ARHGEF3: variants seen among roughly 807,000 people sequenced by gnomAD.
ARHGEF3 encodes 59.8 kDA protein.
ARHGEF3 carries 28 observed loss-of-function variants against 63.2 expected under a neutral mutation model. That is an observed-to-expected ratio of 0.44 (90% CI 0.33 to 0.61). The LOEUF (loss-of-function observed/expected upper bound fraction) is 0.61. Among genes scored for constraint, ARHGEF3 ranks in the 20% least tolerant of loss-of-function variants. The pLI, the probability that ARHGEF3 is intolerant of heterozygous loss-of-function variation, is 0.03. For missense variants in ARHGEF3, 533 were observed against 659.3 expected, an observed-to-expected ratio of 0.81 and a Z score of 2.10; for synonymous variants, 266 against 254.2, an observed-to-expected ratio of 1.05 and a Z score of -0.44.
Position 57,063,096 on chromosome 3 carries a change from G to C in ARHGEF3, c.-28+16130C>G, listed in dbSNP as rs142396237. ...ATGACCAGGGAAGGCTGAAGGAAATGAGGGACCAAGCTCTGCAGATATTGG... is the reference window on the plus strand; with the variant it reads ...ATGACCAGGGAAGGCTGAAGGAAATCAGGGACCAAGCTCTGCAGATATTGG... On this transcript the variant is annotated intron_variant, in intron 1 of 12. Transcript: ENST00000338458. 3.3e-5 allele frequency among the ~76,000 whole-genome samples: 5 copies of C among 152,358 alleles called. No homozygotes were observed. The East Asian group carries it at 9.6e-4, about 29-fold the overall frequency.
chr3:56,751,016 T>C lies in ARHGEF3; in HGVS notation c.612+40A>G, dbSNP rs1430694198. 1.5e-5 allele frequency: 22 copies of C among 1,499,492 alleles called. 1 individual carries two copies. The highest frequency in any genetic ancestry group is 7.8e-5 in the South Asian group (6 of 76,806). The allele number at this position is 1,499,492 out of a possible 1,614,324, so 92.9% of individuals were successfully genotyped here. ...TAAAATGAAACTCCCATCTATATTA[T>C]TGAAATTTATCTTCAATAAAGACCA... is the stretch of plus-strand genomic sequence containing the variant. On this transcript the variant is annotated intron_variant, in intron 6 of 9. Transcript: ENST00000296315.
chr3:56,983,558 A>G (rs1021362445), intron 2 of ARHGEF3, among the ~76,000 whole-genome samples: 13 of 152,190 alleles, frequency 8.5e-5, no homozygotes, highest in Admixed American at 2.0e-4. Flanking sequence ...TAACTATGCA[A>G]TTTCTAACAC....
In ARHGEF3 at chr3:57,010,192, C is replaced by T. The variant is rs147309751; in HGVS notation, c.62+24896G>A. Among the ~76,000 whole-genome samples, 37 of 152,072 alleles carry T rather than the reference C, an allele frequency of 2.4e-4. No homozygotes were observed. In the East Asian group the frequency reaches 5.4e-3, roughly 22 times the overall value. Reference sequence around the variant, plus strand: ...ACAGTGGGCCGGGCGTGGTGGCTCACGCCTGTAATCCCAGCACTTTGGGAG... The same window carrying T: ...ACAGTGGGCCGGGCGTGGTGGCTCATGCCTGTAATCCCAGCACTTTGGGAG... On this transcript the variant is annotated intron_variant, in intron 2 of 12. Coordinates refer to the ARHGEF3 transcript ENST00000338458.
At chr3:56,976,785 G>A (rs1051633537) in intron 2 of ARHGEF3, among the ~76,000 whole-genome samples, 2 of 152,156 alleles carry the variant, frequency 1.3e-5, no homozygotes, top group Non-Finnish European at 2.9e-5. Flanking sequence ...AACTGTCAGT[G>A]AAATGTGGGA....
At chr3:57,015,539 T>G (rs944955614) in intron 2 of ARHGEF3, among the ~76,000 whole-genome samples, 8 of 142,022 alleles carry the variant, frequency 5.6e-5, no homozygotes, top group African/African-American at 1.8e-4. Context: ...GCTCAAGCTA[T>G]CCTCCCGCCT....
At chr3:56,943,900 AG>A (rs1299495854) in intron 3 of ARHGEF3, among the ~76,000 whole-genome samples, 1 of 145,576 alleles carries the variant, frequency 6.9e-6, no homozygotes, top group Non-Finnish European at 1.5e-5. Context: ...GGCGACAGAG[AG>A]AGACTCCGAC....
chr3:57,056,842 A>G (rs1704960433), intron 1 of ARHGEF3, among the ~76,000 whole-genome samples: 1 of 152,008 alleles, frequency 6.6e-6, no homozygotes, highest in Admixed American at 6.6e-5. Flanking sequence ...GCATTCAGTC[A>G]ACTGGTCCAC....
At chr3:56,963,400 G>T (rs1446644011) in intron 2 of ARHGEF3, among the ~76,000 whole-genome samples, 1 of 152,022 alleles carries the variant, frequency 6.6e-6, no homozygotes, top group Admixed American at 6.6e-5. Context: ...ATACACAAAA[G>T]AAAACAAAGG....
intron 4 of ARHGEF3, among the ~76,000 whole-genome samples, chr3:56,845,361 A>T (rs2039453462): frequency 6.6e-6 from 1 of 152,246 alleles, no homozygotes; most frequent in Admixed American, 6.5e-5. Flanking sequence ...GATAACTAAT[A>T]TATCACATTT....
chr3:57,007,216 C>A (rs555685284), intron 2 of ARHGEF3: 1 of 1,288,768 alleles, frequency 7.8e-7, no homozygotes, highest in Non-Finnish European at 1.0e-6. Context: ...TCTTAGGAGT[C>A]GAAGGTGGGG....
intron 1 of ARHGEF3, among the ~76,000 whole-genome samples, chr3:57,053,302 A>G (rs1281163917): frequency 6.6e-6 from 1 of 152,004 alleles, no homozygotes; most frequent in African/African-American, 2.4e-5. Context: ...GCAGGGAGGG[A>G]CACACAGGAG....
intron 3 of ARHGEF3, among the ~76,000 whole-genome samples, chr3:56,913,343 G>A (rs1011253239): frequency 6.6e-5 from 10 of 152,086 alleles, no homozygotes; most frequent in African/African-American, 2.4e-4. Context: ...AGTGAGCAAA[G>A]GACTTGAACA....
intron 1 of ARHGEF3, among the ~76,000 whole-genome samples, chr3:56,777,603 G>T (rs1276086476): frequency 6.6e-6 from 1 of 152,096 alleles, no homozygotes; most frequent in Admixed American, 6.6e-5. Flanking sequence ...ATATAATCTA[G>T]CATACTTTTT....
chr3:56,852,356 A>C (rs951952664), intron 4 of ARHGEF3, among the ~76,000 whole-genome samples: 3 of 152,160 alleles, frequency 2.0e-5, no homozygotes, highest in African/African-American at 7.2e-5. Flanking sequence ...GCAGAATCTG[A>C]GTAAGTGTTC....
chr3:56,758,405 C>T (rs1015260070), intron 2 of ARHGEF3, among the ~76,000 whole-genome samples: 3 of 151,562 alleles, frequency 2.0e-5, no homozygotes, highest in African/African-American at 4.8e-5. Flanking sequence ...CTCTGGGCAA[C>T]GTAGCAAGAC....
At chr3:56,883,620 T>A (rs1221488936) in intron 3 of ARHGEF3, among the ~76,000 whole-genome samples, 1 of 152,128 alleles carries the variant, frequency 6.6e-6, no homozygotes, top group Non-Finnish European at 1.5e-5. Context: ...TAGAAGAAAA[T>A]AAATGTAATC....
chr3:57,033,213 A>C (rs1703805047), intron 2 of ARHGEF3, among the ~76,000 whole-genome samples: 2 of 152,192 alleles, frequency 1.3e-5, no homozygotes. Flanking sequence ...ACAGGCATAC[A>C]CAGGATGACC....
At chr3:56,974,060 T>C (rs1217164033) in intron 2 of ARHGEF3, among the ~76,000 whole-genome samples, 1 of 152,196 alleles carries the variant, frequency 6.6e-6, no homozygotes, top group Non-Finnish European at 1.5e-5. Flanking sequence ...CACTCCAGCC[T>C]GGGCGACAGA....
At chr3:56,805,113 T>C (rs1183243717), upstream of ARHGEF3, among the ~76,000 whole-genome samples, 7 of 152,146 alleles carry the variant, frequency 4.6e-5, no homozygotes, top group Admixed American at 1.3e-4. Context: ...GTGAAGAAAA[T>C]AGTCACCCTG....
Sources: allele counts gnomAD v4.1 joint callset (sites outside exome capture counted in the v4.1 genomes callset), GRCh38; gene constraint gnomAD v4.1.1; transcripts MANE v1.5; gene names NCBI Gene and HGNC (gene_info 2026-07-23, HGNC 2026-07-21).